Variants in CATSPERT observed in about 807,000 individuals in gnomAD.
CATSPERT encodes cation channel sperm-associated targeting subunit tau.
At chr2:201,532,943 G>A in the CATSPERT span, among the ~76,000 whole-genome samples, 1,758 of 152,262 alleles carry the variant, frequency 0.012, 35 homozygotes, top group African/African-American at 0.039. Flanking sequence ...AAGATTTAAG[G>A]TGGTGACTCA....
At chr2:201,565,987 C>T in the CATSPERT span, 1 of 918,798 alleles carries the variant, frequency 1.1e-6, no homozygotes. Context: ...CACCTAGCCA[C>T]CTTGGGCCAT....
the CATSPERT span, chr2:201,553,430 T>C: frequency 6.6e-6 from 1 of 152,236 alleles, no homozygotes; most frequent in Non-Finnish European, 1.5e-5. Flanking sequence ...TTCTTCATAG[T>C]AACAGGCTTC....
At chr2:201,580,927 T>C in the CATSPERT span, among the ~76,000 whole-genome samples, 1 of 152,152 alleles carries the variant, frequency 6.6e-6, no homozygotes, top group Non-Finnish European at 1.5e-5. Flanking sequence ...GCAGCCCAGC[T>C]AAGGATGAAA....
At chr2:201,573,980 A>T in the CATSPERT span, among the ~76,000 whole-genome samples, 1 of 152,216 alleles carries the variant, frequency 6.6e-6, no homozygotes, top group Non-Finnish European at 1.5e-5. Context: ...TATAATAAAG[A>T]CATTTTGAAT....
chr2:201,543,794 C>T, the CATSPERT span, among the ~76,000 whole-genome samples: 6 of 152,032 alleles, frequency 3.9e-5, no homozygotes, highest in Non-Finnish European at 7.4e-5. Flanking sequence ...TCCTGCCATC[C>T]GCAAACAAAG....
chr2:201,534,322 G>T, the CATSPERT span: 2 of 843,372 alleles, frequency 2.4e-6, no homozygotes, highest in Non-Finnish European at 2.9e-6. Flanking sequence ...ACAGTATCTT[G>T]AGAGATAATA....
the CATSPERT span, among the ~76,000 whole-genome samples, chr2:201,540,549 A>G: frequency 6.6e-6 from 1 of 152,236 alleles, no homozygotes; most frequent in Non-Finnish European, 1.5e-5. Context: ...GGAACAACAA[A>G]GCATGGATGA....
the CATSPERT span, chr2:201,603,418 A>C: frequency 3.6e-5 from 23 of 639,956 alleles, no homozygotes; most frequent in East Asian, 4.0e-4. Flanking sequence ...TCTCATGAAA[A>C]ATATCTAGTT....
chr2:201,608,066 C>T, the CATSPERT span, among the ~76,000 whole-genome samples: 1 of 152,208 alleles, frequency 6.6e-6, no homozygotes, highest in South Asian at 2.1e-4. Flanking sequence ...ATATGGTAAG[C>T]ATTCCTTCTA....
At chr2:201,590,770 T>C in the CATSPERT span, among the ~76,000 whole-genome samples, 2 of 152,184 alleles carry the variant, frequency 1.3e-5, no homozygotes. Context: ...GTTTTTTGGC[T>C]GCATAAATGT....
chr2:201,585,879 A>C, the CATSPERT span, among the ~76,000 whole-genome samples: 1 of 152,176 alleles, frequency 6.6e-6, no homozygotes, highest in Non-Finnish European at 1.5e-5. Flanking sequence ...TTTGAGCTGC[A>C]TGCGTCCACT....
the CATSPERT span, chr2:201,537,449 G>C: frequency 1.3e-6 from 2 of 1,590,730 alleles, no homozygotes; most frequent in Non-Finnish European, 1.7e-6. Flanking sequence ...ATTTGCAGTA[G>C]TTTCAGCTTC....
At chr2:201,541,754 C>A in the CATSPERT span, among the ~76,000 whole-genome samples, 1 of 151,548 alleles carries the variant, frequency 6.6e-6, no homozygotes, top group Non-Finnish European at 1.5e-5. Flanking sequence ...AGCGACCACA[C>A]CCTGCTAATT....
At chr2:201,502,841 T>C in the CATSPERT span, among the ~76,000 whole-genome samples, 1 of 151,992 alleles carries the variant, frequency 6.6e-6, no homozygotes, top group Non-Finnish European at 1.5e-5. Context: ...CCTCCCAGAC[T>C]CCAGTTACAT....
At chr2:201,571,478 A>C in the CATSPERT span, among the ~76,000 whole-genome samples, 1 of 152,170 alleles carries the variant, frequency 6.6e-6, no homozygotes, top group Non-Finnish European at 1.5e-5. Flanking sequence ...TGCTAATGAC[A>C]TTTGTTTTAC....
chr2:201,597,802 T>C, the CATSPERT span, among the ~76,000 whole-genome samples: 2 of 152,196 alleles, frequency 1.3e-5, no homozygotes, highest in African/African-American at 4.8e-5. Context: ...TACTACTCAT[T>C]CTTCAGTCTG....
At chr2:201,489,410 A>G in the CATSPERT span, among the ~76,000 whole-genome samples, 2 of 152,140 alleles carry the variant, frequency 1.3e-5, no homozygotes, top group Non-Finnish European at 2.9e-5. Context: ...ACACGTGTGT[A>G]TATACACTCA....
At chr2:201,605,123 T>A in the CATSPERT span, among the ~76,000 whole-genome samples, 1 of 151,200 alleles carries the variant, frequency 6.6e-6, no homozygotes, top group Admixed American at 6.6e-5. Context: ...TATACACACA[T>A]ATACATGCAC....
the CATSPERT span, chr2:201,604,841 C>T: frequency 1.8e-5 from 8 of 438,356 alleles, no homozygotes; most frequent in Non-Finnish European, 3.2e-5. Context: ...GAAACTCATC[C>T]CTATCCTCAA....
Sources: gnomAD v4.1 joint callset for allele counts (sites outside exome capture counted in the v4.1 genomes callset) on GRCh38, gnomAD v4.1.1 for gene constraint, MANE v1.5 for transcripts, NCBI Gene and HGNC (gene_info 2026-07-23, HGNC 2026-07-21) for gene names.